THSD4: variants seen among roughly 807,000 people sequenced by gnomAD.
THSD4 encodes the protein thrombospondin type 1 domain containing 4.
In THSD4, 69 loss-of-function variants were observed where a neutral mutation model predicts 119.0. The observed-to-expected ratio is 0.58, with a 90% CI of 0.48 to 0.71. The LOEUF is 0.71. THSD4 is among the 30% of genes least tolerant of loss of function. THSD4 has a pLI of 0.00. For synonymous variants in THSD4, 524 were observed against 540.4 expected (o/e 0.97, Z 0.42); for missense variants, 1,393 against 1,391.1 (o/e 1.00, Z -0.02).
intron 7 of THSD4, among the ~76,000 whole-genome samples, chr15:71,629,870 C>T (rs1362822184): frequency 3.9e-5 from 6 of 152,154 alleles, no homozygotes; most frequent in African/African-American, 7.2e-5. Flanking sequence ...CCTATTTCCT[C>T]GGGTTACTCT....
rs1470115941 is a variant in THSD4 at position 71,435,255 on chromosome 15, G to A, written c.1152+23432G>A. Among the ~76,000 whole-genome samples, 3 of 152,096 alleles carry A rather than the reference G, an allele frequency of 2.0e-5. No homozygotes were observed. The East Asian group carries it at 5.8e-4, about 29-fold the overall frequency. On this transcript the variant is annotated intron_variant, in intron 7 of 17. Coordinates refer to ENST00000261862, the MANE Select transcript of THSD4 (RefSeq NM_024817.3). ...CCCCAGACAGAGCAGAGAAAGTTCA[G>A]AATCCTAGTCACTAAACTACAGGCC...
chr15:71,713,264 GGGCTGTGT>G (rs2052549422), intron 8 of THSD4, among the ~76,000 whole-genome samples: 2 of 152,330 alleles, frequency 1.3e-5, no homozygotes, highest in Admixed American at 6.5e-5. Context: ...CCCTGTTCCA[GGGCTGTGT>G]GGCTACCCTC....
chr15:71,734,835 A>G (rs537163110), intron 10 of THSD4, among the ~76,000 whole-genome samples: 36 of 151,868 alleles, frequency 2.4e-4, no homozygotes, highest in Non-Finnish European at 5.0e-4. Context: ...TTAAAAAAAA[A>G]AAAAGTCCAC....
chr15:71,567,606 A>C (rs867228244), intron 7 of THSD4, among the ~76,000 whole-genome samples: 3,457 of 124,434 alleles, frequency 0.028, 105 homozygotes, highest in African/African-American at 0.073. Context: ...ACCCCCCCAC[A>C]CACACACACA....
intron 7 of THSD4, among the ~76,000 whole-genome samples, chr15:71,608,742 T>C (rs1019118293): frequency 1.3e-5 from 2 of 152,198 alleles, no homozygotes; most frequent in African/African-American, 4.8e-5. Flanking sequence ...TGCCAGCATC[T>C]CACCTCATAC....
intron 6 of THSD4, among the ~76,000 whole-genome samples, chr15:71,398,418 A>G (rs2140480630): frequency 6.6e-6 from 1 of 152,150 alleles, no homozygotes; most frequent in East Asian, 1.9e-4. Flanking sequence ...AAATGGGGAG[A>G]GGGCAGGAAA....
At chr15:71,488,137 C>A (rs374187929) in intron 7 of THSD4, among the ~76,000 whole-genome samples, 1 of 152,004 alleles carries the variant, frequency 6.6e-6, no homozygotes, top group African/African-American at 2.4e-5. Flanking sequence ...TCTTGGGCAG[C>A]GGTAGATTTA....
At chr15:71,758,296 C>T (rs1258467756) in intron 15 of THSD4, among the ~76,000 whole-genome samples, 2 of 152,234 alleles carry the variant, frequency 1.3e-5, no homozygotes, top group Non-Finnish European at 2.9e-5. Flanking sequence ...ACTTGGGTTA[C>T]ATCAGTGAGC....
intron 6 of THSD4, among the ~76,000 whole-genome samples, chr15:71,288,229 G>A (rs1567182563): frequency 6.6e-6 from 1 of 152,264 alleles, no homozygotes; most frequent in Admixed American, 6.5e-5. Context: ...AGAGATAACG[G>A]CAAACTGGAA....
chr15:71,256,485 A>T lies in THSD4; in HGVS notation c.913-128A>T, dbSNP rs184097556. ...GGTGAGACTCCATCTCAAAAAAAAA[A>T]AAATAAATAAATAAAGAATAAAAAT... On this transcript the variant is annotated intron_variant, in intron 5 of 17. Coordinates refer to ENST00000261862, the MANE Select transcript of THSD4 (RefSeq NM_024817.3). The T allele has an allele frequency of 3.1e-3, 1,827 of 597,080 alleles. 9 individuals carry two copies. The highest frequency in any genetic ancestry group is 7.3e-3 in the South Asian group (157 of 21,416). The allele number at this position is 597,080 out of a possible 1,614,324, so 37.0% of individuals were successfully genotyped here.
At chr15:71,097,089 G>A (rs951798272) in intron 1 of THSD4, 2 of 152,168 alleles carry the variant, frequency 1.3e-5, no homozygotes, top group Non-Finnish European at 2.9e-5. Flanking sequence ...AAATTAAAAT[G>A]GTTTAAAGTC....
At position 71,277,427 on chromosome 15, in the gene THSD4, G is replaced by A. The variant is rs79031959; in HGVS notation, c.1015+20712G>A. Among the ~76,000 whole-genome samples, 305 of 152,160 alleles carry A rather than the reference G, an allele frequency of 2.0e-3. 1 individual carries two copies. The highest frequency in any genetic ancestry group is 7.1e-3 in the African/African-American group (295 of 41,528). Reference sequence around the variant, plus strand: ...AGGTGTGAGCCGCCGTGCCTGGCCTGTATCTGAATTATTGTTTCCAAACCC... The same window carrying A: ...AGGTGTGAGCCGCCGTGCCTGGCCTATATCTGAATTATTGTTTCCAAACCC... On this transcript the variant is annotated intron_variant, in intron 6 of 17. Transcript: ENST00000261862.
chr15:71,423,084 C>A (rs971745259), intron 7 of THSD4, among the ~76,000 whole-genome samples: 1 of 152,162 alleles, frequency 6.6e-6, no homozygotes, highest in Non-Finnish European at 1.5e-5. Flanking sequence ...CCCTTTAGAG[C>A]AGTTGGCTCC....
In THSD4 at chr15:71,703,600, C is replaced by T. The variant is rs555004574; in HGVS notation, c.1358-24949C>T. 2.0e-5 allele frequency among the ~76,000 whole-genome samples: 3 copies of T among 152,218 alleles called. No homozygotes were observed. The South Asian group carries it at 6.2e-4, about 32-fold the overall frequency. On this transcript the variant is annotated intron_variant, in intron 8 of 17. Coordinates refer to ENST00000261862, the MANE Select transcript of THSD4 (RefSeq NM_024817.3). ...CACTGGGGACAGGTCTTACATAGCA[C>T]TGGGGACAGGGCCTCAAGGGCTTGG... is the stretch of plus-strand genomic sequence containing the variant.
chr15:71,231,909 A>G (rs2044064504), intron 4 of THSD4, among the ~76,000 whole-genome samples: 1 of 152,174 alleles, frequency 6.6e-6, no homozygotes, highest in African/African-American at 2.4e-5. Context: ...TCTGCACTCA[A>G]CCTAAACCAT....
intron 3 of THSD4, among the ~76,000 whole-genome samples, chr15:71,155,209 A>G (rs1049973188): frequency 6.6e-6 from 1 of 152,204 alleles, no homozygotes; most frequent in African/African-American, 2.4e-5. Flanking sequence ...TGGAGGCCTC[A>G]GGAAACTTAC....
chr15:71,364,158 G>T (rs574745890), intron 6 of THSD4, among the ~76,000 whole-genome samples: 1 of 152,264 alleles, frequency 6.6e-6, no homozygotes, highest in South Asian at 2.1e-4. Flanking sequence ...GTGGGGTGGG[G>T]TGGACAATTT....
intron 7 of THSD4, among the ~76,000 whole-genome samples, chr15:71,578,156 G>GA (rs1244219637): frequency 6.8e-6 from 1 of 147,866 alleles, no homozygotes; most frequent in African/African-American, 2.5e-5. Context: ...TATCTATATA[G>GA]TATATATATT....
chr15:71,247,118 C>T (rs2044210544), intron 5 of THSD4, among the ~76,000 whole-genome samples: 1 of 151,952 alleles, frequency 6.6e-6, no homozygotes, highest in South Asian at 2.1e-4. Context: ...AGCTGGTCTC[C>T]AACTCCTGGC....
Sources: gnomAD v4.1 joint callset for allele counts (sites outside exome capture counted in the v4.1 genomes callset) on GRCh38, gnomAD v4.1.1 for gene constraint, MANE v1.5 for transcripts, NCBI Gene and HGNC (gene_info 2026-07-23, HGNC 2026-07-21) for gene names.